Variants in RUFY3 observed in about 807,000 individuals in gnomAD.
The protein encoded by RUFY3 is protein RUFY3.
Under a neutral mutation model 84.0 loss-of-function variants are expected in RUFY3, and 34 were observed. That is an observed-to-expected ratio of 0.40 (90% CI 0.31 to 0.54). The LOEUF (loss-of-function observed/expected upper bound fraction) is 0.54. Among genes scored for constraint, RUFY3 ranks in the 20% least tolerant of loss-of-function variants. The pLI, the probability that RUFY3 is intolerant of heterozygous loss-of-function variation, is 0.39. For missense variants in RUFY3, 507 were observed against 736.8 expected, an observed-to-expected ratio of 0.69 and a Z score of 3.61; for synonymous variants, 242 against 252.9, an observed-to-expected ratio of 0.96 and a Z score of 0.41.
chr4:70,785,176 C>T (rs1729575372), intron 10 of RUFY3, among the ~76,000 whole-genome samples: 2 of 152,102 alleles, frequency 1.3e-5, no homozygotes, highest in South Asian at 4.1e-4. Flanking sequence ...TCACTCCTAC[C>T]TAAGTCCTCA....
At chr4:70,745,892 C>T (rs1722125082) in intron 1 of RUFY3, among the ~76,000 whole-genome samples, 1 of 152,154 alleles carries the variant, frequency 6.6e-6, no homozygotes, top group Non-Finnish European at 1.5e-5. Context: ...TCAAGACCAG[C>T]CTGGCCAACA....
intron 1 of RUFY3, among the ~76,000 whole-genome samples, chr4:70,737,527 C>A (rs1720516898): frequency 6.6e-6 from 1 of 152,146 alleles, no homozygotes; most frequent in South Asian, 2.1e-4. Context: ...GCCATTCCAG[C>A]ATGAGAGCAA....
At chr4:70,765,209 G>GTGTGTATATATATATATA (rs144995233) in intron 4 of RUFY3, among the ~76,000 whole-genome samples, 19 of 137,216 alleles carry the variant, frequency 1.4e-4, no homozygotes, top group African/African-American at 5.2e-4. Context: ...AAAAAAATGT[G>GTGTGTATATATATATATA]TATATATATA....
intron 16 of RUFY3, 49 bp downstream of exon 16, chr4:70,803,032 G>C (rs115699850): frequency 0.017 from 24,859 of 1,452,032 alleles, 275 homozygotes; most frequent in Middle Eastern, 0.044. Context: ...TATGAAGTTG[G>C]TTGTACCGTG....
intron 15 of RUFY3, 54 bp from the exon 16 acceptor site, chr4:70,802,896 GATATAA>G (rs935073222): frequency 4.2e-5 from 51 of 1,222,918 alleles, no homozygotes; most frequent in Non-Finnish European, 5.7e-5. Context: ...TTATTGAAAT[GATATAA>G]ATGAAAATAC....
chr4:70,775,973 A>G (rs946076286), intron 7 of RUFY3, among the ~76,000 whole-genome samples: 2 of 151,512 alleles, frequency 1.3e-5, no homozygotes, highest in Non-Finnish European at 2.9e-5. Flanking sequence ...AAAAAGATAC[A>G]TGCTTTGTTT....
At chr4:70,782,410 G>A (rs1394572341) in intron 8 of RUFY3, among the ~76,000 whole-genome samples, 1 of 150,286 alleles carries the variant, frequency 6.7e-6, no homozygotes, top group Non-Finnish European at 1.5e-5. Flanking sequence ...TCAGCCTCCC[G>A]AGTAGCTGGG....
intron 1 of RUFY3, among the ~76,000 whole-genome samples, chr4:70,745,382 G>A (rs1287204949): frequency 1.3e-5 from 2 of 152,084 alleles, no homozygotes; most frequent in Non-Finnish European, 2.9e-5. Flanking sequence ...TTCCTTATAT[G>A]CTAGTAATTT....
At chr4:70,745,980 C>G (rs1376972220) in intron 1 of RUFY3, among the ~76,000 whole-genome samples, 1 of 152,078 alleles carries the variant, frequency 6.6e-6, no homozygotes, top group African/African-American at 2.4e-5. Context: ...GCAGAGGTTG[C>G]GGTGAGCTGA....
At chr4:70,745,761 C>T (rs1243683695) in intron 1 of RUFY3, among the ~76,000 whole-genome samples, 2 of 152,048 alleles carry the variant, frequency 1.3e-5, no homozygotes, top group South Asian at 2.1e-4. Context: ...TGTGCCACAT[C>T]GTCATTCAAT....
In RUFY3 at chr4:70,794,841, C is replaced by T; in HGVS notation, c.1504C>T (p.Gln502Ter). Residue 502 changes from glutamine (Q) to a stop codon, truncating the protein, a stop_gained, in exon 14 of 18, where the codon CAA becomes TAA. Coordinates refer to ENST00000381006, the MANE Select transcript of RUFY3 (RefSeq NM_001037442.4). LOFTEE classifies it high-confidence loss of function. ...ELKQEKERRL[Q>*]NDRSIPGRGS... Reference sequence around the variant, plus strand: ...AAAACAGGAAAAAGAAAGAAGATTACAAAACGACAGGAGCATCCCAGGAAG... The same window carrying T: ...AAAACAGGAAAAAGAAAGAAGATTATAAAACGACAGGAGCATCCCAGGAAG... 6.2e-7 allele frequency: 1 copy of T among 1,612,678 alleles called. No individual in the cohort carries two copies. The highest frequency in any genetic ancestry group is 1.1e-5 in the South Asian group (1 of 90,906).
chr4:70,758,207 C>T (rs923749786), intron 1 of RUFY3, among the ~76,000 whole-genome samples: 1 of 152,150 alleles, frequency 6.6e-6, no homozygotes, highest in African/African-American at 2.4e-5. Context: ...CATTGCAGCC[C>T]TTTTTAACAG....
chr4:70,772,366 C>T (rs1054190889), intron 5 of RUFY3, among the ~76,000 whole-genome samples: 3 of 152,182 alleles, frequency 2.0e-5, no homozygotes, highest in South Asian at 2.1e-4. Flanking sequence ...CATTAAAGCA[C>T]GGTAGTTAAG....
At chr4:70,786,950 C>T (rs1399580647) in intron 10 of RUFY3, among the ~76,000 whole-genome samples, 19 of 151,522 alleles carry the variant, frequency 1.3e-4, no homozygotes, top group Admixed American at 4.6e-4. Context: ...TTGGGAGGAT[C>T]GCTTGAGCTT....
chr4:70,802,841 C>A (rs902295084), intron 15 of RUFY3, 115 bp from the exon 16 acceptor site: 3 of 677,548 alleles, frequency 4.4e-6, no homozygotes, highest in East Asian at 5.4e-5. Context: ...TATAAAAGAC[C>A]TACAGTATTT....
At chr4:70,768,806 A>G (rs1211121059) in intron 5 of RUFY3, 145 bp downstream of exon 5, 2 of 806,432 alleles carry the variant, frequency 2.5e-6, no homozygotes, top group Admixed American at 2.8e-5. Flanking sequence ...GGAATATAAA[A>G]AAAAGATTGT....
At chr4:70,768,085 T>C (rs1158558328) in intron 4 of RUFY3, among the ~76,000 whole-genome samples, 1 of 152,192 alleles carries the variant, frequency 6.6e-6, no homozygotes, top group African/African-American at 2.4e-5. Flanking sequence ...TCCTCCCGCC[T>C]TGGTCTCCCC....
intron 5 of RUFY3, among the ~76,000 whole-genome samples, chr4:70,769,261 G>C (rs796878638): frequency 3.9e-5 from 6 of 152,208 alleles, no homozygotes; most frequent in African/African-American, 1.4e-4. Flanking sequence ...GGGAAGTCGA[G>C]GCTATAGTTA....
At chr4:70,734,686 T>G in intron 1 of RUFY3, 1 of 410,868 alleles carries the variant, frequency 2.4e-6, no homozygotes, top group East Asian at 1.6e-4. Context: ...CCAGTTCCTA[T>G]CTAAACCACG....
Sources: gnomAD v4.1 joint callset for allele counts (sites outside exome capture counted in the v4.1 genomes callset) on GRCh38, gnomAD v4.1.1 for gene constraint, MANE v1.5 for transcripts, NCBI Gene and HGNC (gene_info 2026-07-23, HGNC 2026-07-21) for gene names.